ABCG5: variants seen among roughly 807,000 people sequenced by gnomAD.
The protein encoded by ABCG5 is ATP-binding cassette sub-family G member 5.
In ABCG5, 64 loss-of-function variants were observed where a neutral mutation model predicts 64.5. The observed-to-expected ratio is 0.99, with a 90% CI of 0.81 to 1.22. ABCG5 has a LOEUF of 1.22. Ranked by LOEUF, ABCG5 falls within the 50% of genes most tolerant of loss-of-function variation. The pLI is 0.00. For synonymous variants in ABCG5, 385 were observed against 326.3 expected, an observed-to-expected ratio of 1.18 and a Z score of -1.94; for missense variants, 908 against 829.5, an observed-to-expected ratio of 1.09 and a Z score of -1.16.
At chr2:43,821,661 C>A (rs561997721) in intron 10 of ABCG5, among the ~76,000 whole-genome samples, 1 of 152,256 alleles carries the variant, frequency 6.6e-6, no homozygotes. Context: ...TCCCCTCTGC[C>A]ACTTTGCCTC....
Position 43,822,918 on chromosome 2 carries a change from C to G in ABCG5, c.1342G>C (p.Val448Leu), listed in dbSNP as rs1183865270. ...CCGTCCTGACTCTCCTGGTCGCTGA[C>G]AGCTCGCAGCACGGGAACTGGGGAT... ...AVNLFPVLRA[V>L]SDQESQDGLY... The change falls in exon 10 of 13, where the codon GTC (valine) becomes CTC (leucine). Residue 448 changes from valine to leucine, a missense_variant. Coordinates refer to ENST00000405322, the MANE Select transcript of ABCG5 (RefSeq NM_022436.3). The G allele has an allele frequency of 6.2e-7, 1 of 1,613,844 alleles. No individual in the cohort carries two copies. The highest frequency in any genetic ancestry group is 1.3e-5 in the African/African-American group (1 of 74,908).
At chr2:43,823,473 C>A (rs187515813) in intron 9 of ABCG5, among the ~76,000 whole-genome samples, 1 of 152,174 alleles carries the variant, frequency 6.6e-6, no homozygotes, top group African/African-American at 2.4e-5. Flanking sequence ...CTTCCTGCAA[C>A]GTTAGGCAAC....
At chr2:43,810,266 C>T, downstream of ABCG5, 1 of 735,934 alleles carries the variant, frequency 1.4e-6, no homozygotes, top group Non-Finnish European at 1.7e-6. Context: ...TCCCAGGTCC[C>T]CACACCTAGA....
At chr2:43,839,108 G>A (rs11887534), upstream of ABCG5, 2 of 1,551,242 alleles carry the variant, frequency 1.3e-6, no homozygotes, top group Non-Finnish European at 8.7e-7. Context: ...CACTCCCCAG[G>A]ATACCTCGGT....
chr2:43,818,781 G>A (rs1289122794), intron 11 of ABCG5, among the ~76,000 whole-genome samples: 4 of 152,082 alleles, frequency 2.6e-5, no homozygotes, highest in Admixed American at 6.5e-5. Context: ...ATCTCACTTC[G>A]TATAACTCAC....
intron 7 of ABCG5, 138 bp downstream of exon 7, chr2:43,824,751 A>G (rs72873579): frequency 3.4e-6 from 5 of 1,463,298 alleles, no homozygotes; most frequent in Non-Finnish European, 4.6e-6. Flanking sequence ...GACCCGGCCA[A>G]ATTGATTCCT....
At position 43,824,338 on chromosome 2, in the gene ABCG5, T is replaced by C. The variant is rs553464142; in HGVS notation, c.999A>G (p.Ala333=). The change falls in exon 8 of 13, where the codon GCA becomes GCG. Residue 333 remains alanine (A), a synonymous_variant. Coordinates refer to ENST00000405322, the MANE Select transcript of ABCG5 (RefSeq NM_022436.3). Reference sequence around the variant, plus strand: ...TATTCTTCAAAGTTTTATGACAAATTGCTGATTTCTTGTAGGCAGATTCTA... The same window carrying C: ...TATTCTTCAAAGTTTTATGACAAATCGCTGATTTCTTGTAGGCAGATTCTA... The part of the protein sequence containing the change: ...QMIESAYKKS[A]ICHKTLKNIE... 1 of 1,614,192 alleles carries C rather than the reference T, an allele frequency of 6.2e-7. No individual in the cohort carries two copies. Among genetic ancestry groups the C allele is most frequent in the South Asian group, 1.1e-5 (1 of 91,080 alleles).
At chr2:43,814,613 G>A in intron 11 of ABCG5, 24 bp from the exon 12 acceptor site, 1 of 1,393,432 alleles carries the variant, frequency 7.2e-7, no homozygotes, top group Non-Finnish European at 1.0e-6. Flanking sequence ...AAACAAAAAT[G>A]AAATTCAGTA....
rs765732066 is a variant in ABCG5 at position 43,831,766 on chromosome 2, C to G, written c.501+3G>C. On this transcript the variant is annotated splice_donor_region_variant and intron_variant, in intron 4 of 12. Transcript: ENST00000405322. ...CCCTCTGTGAGCGGGGGGCTGCACCCACCTTCTTCTGGAAGGAGCCGGGAT... is the reference window on the plus strand; with the variant it reads ...CCCTCTGTGAGCGGGGGGCTGCACCGACCTTCTTCTGGAAGGAGCCGGGAT... 1.9e-6 allele frequency: 3 copies of G among 1,575,180 alleles called. No individual in the cohort carries two copies. The highest frequency in any genetic ancestry group is 2.6e-6 in the Non-Finnish European group (3 of 1,162,160).
upstream of ABCG5, chr2:43,838,858 G>A (rs571820454): frequency 1.2e-4 from 149 of 1,289,878 alleles, no homozygotes; most frequent in Admixed American, 4.6e-4. The surrounding 1 kb of genome is among the most constrained non-coding windows in gnomAD (Gnocchi z 4.2). Flanking sequence ...TTTAGCCAGC[G>A]CGTCCTTATC....
intron 4 of ABCG5, among the ~76,000 whole-genome samples, chr2:43,830,665 G>C (rs1451954329): frequency 6.6e-6 from 1 of 152,040 alleles, no homozygotes; most frequent in Non-Finnish European, 1.5e-5. Flanking sequence ...CTCAATTGGA[G>C]AGAACTCTGC....
chr2:43,832,183 A>G, intron 2 of ABCG5, 100 bp from the exon 3 acceptor site: 2 of 1,491,730 alleles, frequency 1.3e-6, no homozygotes, highest in East Asian at 2.5e-5. Flanking sequence ...GCGGGCCATG[A>G]GTGCTACATG....
chr2:43,817,746 C>A (rs139029940), intron 11 of ABCG5, among the ~76,000 whole-genome samples: 17,387 of 151,958 alleles, frequency 0.11, 1,280 homozygotes, highest in Middle Eastern at 0.27. Flanking sequence ...CACGTCTCTA[C>A]TAAAAATACA....
At chr2:43,838,967 C>T (rs1195916048), upstream of ABCG5, 1 of 1,434,328 alleles carries the variant, frequency 7.0e-7, no homozygotes, top group African/African-American at 1.4e-5. The surrounding 1 kb of genome is among the most constrained non-coding windows in gnomAD (Gnocchi z 4.2). Flanking sequence ...GTCCCTGCTC[C>T]AGGAAACAGA....
At chr2:43,808,645 T>C (rs996457133), downstream of ABCG5, among the ~76,000 whole-genome samples, 3 of 152,180 alleles carry the variant, frequency 2.0e-5, no homozygotes, top group Admixed American at 6.5e-5. Flanking sequence ...TAAGATATAC[T>C]CCTTGTGAAA....
intron 10 of ABCG5, chr2:43,822,440 A>T: frequency 2.3e-6 from 2 of 858,310 alleles, no homozygotes; most frequent in Non-Finnish European, 2.8e-6. Context: ...TGTCTGTTTT[A>T]AGGTTTTACA....
At position 43,817,933 on chromosome 2, in the gene ABCG5, A is replaced by G. The variant is rs959700486; in HGVS notation, c.1649+1982T>C. On this transcript the variant is annotated intron_variant, in intron 11 of 12. Transcript: ENST00000405322. ...TCAAAACAAACAAACAAACAAAAAAACACATGTAAGACACCTAGCCCACCA... is the reference window on the plus strand; with the variant it reads ...TCAAAACAAACAAACAAACAAAAAAGCACATGTAAGACACCTAGCCCACCA... 3.9e-4 allele frequency among the ~76,000 whole-genome samples: 59 copies of G among 152,180 alleles called. 1 individual carries two copies. The highest frequency in any genetic ancestry group is 6.8e-3 in the Middle Eastern group (2 of 294).
chr2:43,831,126 G>A (rs564075407), intron 4 of ABCG5, among the ~76,000 whole-genome samples: 1 of 152,270 alleles, frequency 6.6e-6, no homozygotes, highest in East Asian at 1.9e-4. Flanking sequence ...ATTATTTACA[G>A]CCAAAAATAC....
In ABCG5 at chr2:43,824,288, G is replaced by A. The variant is rs148131742; in HGVS notation, c.1049C>T (p.Thr350Met). 3.3e-5 allele frequency: 54 copies of A among 1,614,062 alleles called. No individual in the cohort carries two copies. The highest frequency in any genetic ancestry group is 1.6e-4 in the Middle Eastern group (1 of 6,084). ...KNIERMKHLK[T>M]LPMVPFKTKD... ...GGTTTTGAAAGGAACCATTGGTAAC[G>A]TTTTCAGGTGTTTCATTCTTTCAAT... is the stretch of plus-strand genomic sequence containing the variant. The change falls in exon 8 of 13, where the codon ACG (threonine) becomes ATG (methionine). Residue 350 changes from threonine to methionine, a missense_variant. By Grantham distance (81) the Thr-to-Met change is moderately conservative. Coordinates refer to ENST00000405322, the MANE Select transcript of ABCG5 (RefSeq NM_022436.3).
Sources: allele counts gnomAD v4.1 joint callset (sites outside exome capture counted in the v4.1 genomes callset), GRCh38; gene constraint gnomAD v4.1.1; non-coding constraint Gnocchi (gnomAD v3.1); transcripts MANE v1.5; gene names NCBI Gene and HGNC (gene_info 2026-07-23, HGNC 2026-07-21).